Variants in KIR3DL2 observed in about 807,000 individuals in gnomAD.
KIR3DL2 encodes killer cell immunoglobulin like receptor, three Ig domains and long cytoplasmic tail 2, also known as killer cell immunoglobulin-like receptor 3DL2.
A neutral mutation model predicts 41.6 loss-of-function variants in KIR3DL2; 42 were observed. That is an observed-to-expected ratio of 1.01 (90% CI 0.79 to 1.31). KIR3DL2 has a LOEUF of 1.31. Among genes scored for constraint, KIR3DL2 ranks in the 50% most tolerant of loss-of-function variants. The pLI, the probability that KIR3DL2 is intolerant of heterozygous loss-of-function variation, is 0.00. For synonymous variants in KIR3DL2, 230 were observed against 221.3 expected (o/e 1.04, Z -0.35); for missense variants, 728 against 576.8 (o/e 1.26, Z -2.68).
intron 5 of KIR3DL2, among the ~76,000 whole-genome samples, chr19:54,856,705 A>G (rs1474040207): frequency 1.3e-5 from 2 of 151,830 alleles, no homozygotes; most frequent in South Asian, 4.1e-4. Context: ...ATACATCTAT[A>G]TTCTTTTTTT....
At position 54,854,061 on chromosome 19, in the gene KIR3DL2, A is replaced by G. The variant is rs1388514314; in HGVS notation, c.655+15A>G. The G allele has an allele frequency of 1.1e-5, 17 of 1,611,454 alleles. 1 individual carries two copies. The Admixed American group carries it at 2.5e-4, about 24-fold the overall frequency. ...CGTGATCACAGGTGAGAGTGTCCAG[A>G]CATTCTTCTCATTGTCATTGGGACA... On this transcript the variant is annotated intron_variant, in intron 4 of 8. Coordinates refer to ENST00000326321, the MANE Select transcript of KIR3DL2 (RefSeq NM_006737.4).
In KIR3DL2 at chr19:54,855,738, G is replaced by A. The variant is rs1278352539; in HGVS notation, c.775G>A (p.Gly259Arg). Residue 259 changes from glycine to arginine, a missense_variant, in exon 5 of 9, where the codon GGG becomes AGG. Transcript: ENST00000326321. The part of the protein sequence containing the change: ...SYDIYHLSRE[G>R]EAHERRLRAV... ...TGACATCTACCATCTGTCCAGGGAA[G>A]GGGAGGCCCATGAACGTAGGCTCCG... The A allele has an allele frequency of 3.1e-6, 5 of 1,613,466 alleles. 1 individual carries two copies. The African/African-American group carries it at 6.7e-5, about 22-fold the overall frequency.
chr19:54,851,891 G>C, intron 2 of KIR3DL2, 107 bp from the exon 3 acceptor site: 1 of 1,398,548 alleles, frequency 7.2e-7, no homozygotes, highest in Non-Finnish European at 9.9e-7. Context: ...GGGCACCCAG[G>C]TGTGGTAGGA....
chr19:54,859,334 T>A (rs1476131859), intron 6 of KIR3DL2, among the ~76,000 whole-genome samples: 1 of 151,926 alleles, frequency 6.6e-6, no homozygotes, highest in Non-Finnish European at 1.5e-5. Context: ...TTCCTGCAGG[T>A]GAGACCTCCT....
In KIR3DL2 at chr19:54,850,523, G is replaced by T. The variant is rs550670208; in HGVS notation, c.34+14G>T. 9 of 1,609,080 alleles carry T rather than the reference G, an allele frequency of 5.6e-6. No homozygotes were observed. The South Asian group carries it at 6.6e-5, about 12-fold the overall frequency. On this transcript the variant is annotated intron_variant, in intron 1 of 8. Transcript: ENST00000326321. ...TGGCGTGCGTTGGTGAGTCCTGGAA[G>T]GGAATAGAGGGAGGGAGAGTGGGGA...
intron 1 of KIR3DL2, 135 bp downstream of exon 1, chr19:54,850,644 A>C: frequency 8.1e-7 from 1 of 1,236,776 alleles, no homozygotes; most frequent in Non-Finnish European, 1.1e-6. Context: ...ATGGGCCTGG[A>C]GGTGTAAATA....
intron 3 of KIR3DL2, among the ~76,000 whole-genome samples, chr19:54,852,704 C>T (rs1161377029): frequency 3.3e-5 from 5 of 150,862 alleles, no homozygotes; most frequent in African/African-American, 1.2e-4. Flanking sequence ...TGGAGGAAGG[C>T]CACTAGTCAC....
intron 2 of KIR3DL2, among the ~76,000 whole-genome samples, chr19:54,851,672 AG>A (rs2064252755): frequency 6.6e-6 from 1 of 151,556 alleles, no homozygotes; most frequent in South Asian, 2.1e-4. Flanking sequence ...AAATCCTCTG[AG>A]GGGGCTCAGT....
chr19:54,859,204 C>A, intron 6 of KIR3DL2, 75 bp downstream of exon 6: 19 of 1,300,704 alleles, frequency 1.5e-5, no homozygotes, highest in Admixed American at 3.4e-5. Context: ...AGTGTTGGCT[C>A]AAACCTCCCA....
chr19:54,853,453 C>T (rs2064463514), intron 3 of KIR3DL2, among the ~76,000 whole-genome samples: 1 of 151,766 alleles, frequency 6.6e-6, no homozygotes, highest in African/African-American at 2.4e-5. Flanking sequence ...CTCTTCCACC[C>T]CCACATAGAC....
chr19:54,866,242 G>A, intron 7 of KIR3DL2, 128 bp from the exon 8 acceptor site: 1 of 896,562 alleles, frequency 1.1e-6, no homozygotes, highest in Admixed American at 2.2e-5. Flanking sequence ...TAGAATGTCT[G>A]AGTCTGGATG....
chr19:54,851,259 A>G lies in KIR3DL2; in HGVS notation c.70+4A>G. ...CAGGGGGCCTGGCCACTCATGGGTG[A>G]GTCCGTCCCCAAACCTTAGGGTGTC... On this transcript the variant is annotated splice_donor_region_variant and intron_variant, in intron 2 of 8. Transcript: ENST00000326321. The G allele has an allele frequency of 2.5e-6, 4 of 1,608,486 alleles. No homozygotes were observed. Among genetic ancestry groups the G allele is most frequent in the Non-Finnish European group, 2.5e-6 (3 of 1,177,570 alleles).
chr19:54,858,912 C>A (rs2064983453), intron 5 of KIR3DL2, among the ~76,000 whole-genome samples, 167 bp from the exon 6 acceptor site: 1 of 151,374 alleles, frequency 6.6e-6, no homozygotes, highest in African/African-American at 2.4e-5. Context: ...CTTCAAGTCT[C>A]AAGACAGTGG....
rs113077195 is a variant in KIR3DL2 at position 54,852,135 on chromosome 19, A to T, written c.208A>T (p.Ile70Phe). The T allele has an allele frequency of 4.8e-4, 767 of 1,613,046 alleles. 25 individuals are homozygous for T. In the African/African-American group the frequency reaches 8.7e-3, roughly 18 times the overall value. Reference protein sequence around the residue: ...LYKEDRSHVPIFHGRIFQESF... With the variant: ...LYKEDRSHVPFFHGRIFQESF... ...CAAAGAAGACAGAAGCCACGTTCCC[A>T]TCTTCCACGGCAGAATATTCCAGGA... is the stretch of plus-strand genomic sequence containing the variant. The change falls in exon 3 of 9, where the codon ATC becomes TTC. Residue 70 changes from isoleucine to phenylalanine, a missense_variant. Ile to Phe is a conservative substitution (Grantham distance 21). Coordinates refer to ENST00000326321, the MANE Select transcript of KIR3DL2 (RefSeq NM_006737.4).
intron 7 of KIR3DL2, 73 bp from the exon 8 acceptor site, chr19:54,866,297 G>T: frequency 6.6e-7 from 1 of 1,515,032 alleles, no homozygotes; most frequent in Non-Finnish European, 9.1e-7. Context: ...CCCCCTGTGG[G>T]TTGGTGTCTG....
At position 54,852,070 on chromosome 19, in the gene KIR3DL2, A is replaced by T; in HGVS notation, c.143A>T (p.Gln48Leu). ...VVPRGGHVALQCHYRRGFNNF... is the reference protein window; with the variant it reads ...VVPRGGHVALLCHYRRGFNNF... The stretch of plus-strand genomic sequence containing the variant: ...CCTCGAGGAGGACACGTGGCTCTTC[A>T]GTGTCACTATCGTCGTGGGTTTAAC... Residue 48 changes from glutamine to leucine, a missense_variant, in exon 3 of 9, where the codon CAG (glutamine) becomes CTG (leucine). By Grantham distance (113) the Gln-to-Leu change is moderately radical. Coordinates refer to ENST00000326321, the MANE Select transcript of KIR3DL2 (RefSeq NM_006737.4). The T allele has an allele frequency of 1.2e-6, 2 of 1,611,050 alleles. No homozygotes were observed. Among genetic ancestry groups the T allele is most frequent in the Non-Finnish European group, 1.7e-6 (2 of 1,178,516 alleles).
At chr19:54,858,752 A>T (rs146887706) in intron 5 of KIR3DL2, among the ~76,000 whole-genome samples, 1 of 145,870 alleles carries the variant, frequency 6.9e-6, no homozygotes, top group African/African-American at 2.5e-5. Context: ...AAGCCATTGG[A>T]TGTAAATGCA....
At chr19:54,852,578 C>CAACACATCATCTTTCATA (rs2064370549) in intron 3 of KIR3DL2, among the ~76,000 whole-genome samples, 1 of 151,540 alleles carries the variant, frequency 6.6e-6, no homozygotes, top group Non-Finnish European at 1.5e-5. Context: ...CCTGGACTGT[C>CAACACATCATCTTTCATA]CTGCTGGGCT....
chr19:54,866,356 T>A lies in KIR3DL2; in HGVS notation c.1106-14T>A. Reference sequence around the variant, plus strand: ...GGCCCTCCAAGCGGTTTTGATGACTTCCGTCTCCTACAGATGCTGCTGTAA... The same window carrying A: ...GGCCCTCCAAGCGGTTTTGATGACTACCGTCTCCTACAGATGCTGCTGTAA... On this transcript the variant is annotated splice_polypyrimidine_tract_variant and intron_variant, in intron 7 of 8. Transcript: ENST00000326321. The A allele has an allele frequency of 6.2e-7, 1 of 1,613,886 alleles. No homozygotes were observed. The highest frequency in any genetic ancestry group is 1.1e-5 in the South Asian group (1 of 91,078).
Sources: allele counts gnomAD v4.1 joint callset (sites outside exome capture counted in the v4.1 genomes callset), GRCh38; gene constraint gnomAD v4.1.1; transcripts MANE v1.5; gene names NCBI Gene and HGNC (gene_info 2026-07-23, HGNC 2026-07-21).